Variants in GLT1D1 observed in about 807,000 individuals in gnomAD.
GLT1D1 encodes glycosyltransferase 1 domain containing 1.
In GLT1D1, 21 loss-of-function variants were observed where a neutral mutation model predicts 28.7. The observed-to-expected ratio is 0.73, with a 90% CI of 0.52 to 1.05. The LOEUF (loss-of-function observed/expected upper bound fraction) is 1.05. Ranked by LOEUF, GLT1D1 falls within the 50% of genes least tolerant of loss-of-function variation. The pLI, the probability that GLT1D1 is intolerant of heterozygous loss-of-function variation, is 0.00. For synonymous variants in GLT1D1, 147 were observed against 124.8 expected (o/e 1.18, Z -1.19); for missense variants, 343 against 330.6 (o/e 1.04, Z -0.29).
chr12:128,884,832 T>A (rs1007367036), intron 2 of GLT1D1, among the ~76,000 whole-genome samples: 2 of 151,572 alleles, frequency 1.3e-5, no homozygotes, highest in Non-Finnish European at 2.9e-5. Flanking sequence ...GAAAAAAAAA[T>A]TGCTAAGACA....
At chr12:128,948,028 A>T (rs1307415585) in intron 6 of GLT1D1, among the ~76,000 whole-genome samples, 1 of 152,046 alleles carries the variant, frequency 6.6e-6, no homozygotes, top group Non-Finnish European at 1.5e-5. Flanking sequence ...CTATCCCAGC[A>T]CCACTCTGCA....
chr12:128,913,142 C>T (rs990944805), intron 4 of GLT1D1, among the ~76,000 whole-genome samples: 2 of 152,176 alleles, frequency 1.3e-5, no homozygotes, highest in Non-Finnish European at 2.9e-5. Context: ...CCTTCATACT[C>T]CTCCTTCCTC....
At chr12:128,943,026 C>T (rs1875532922) in intron 4 of GLT1D1, among the ~76,000 whole-genome samples, 2 of 152,260 alleles carry the variant, frequency 1.3e-5, no homozygotes, top group East Asian at 3.9e-4. Flanking sequence ...GGATTATAGG[C>T]GTGAGCCACC....
chr12:128,962,130 C>A (rs1393318752), intron 7 of GLT1D1, among the ~76,000 whole-genome samples: 1 of 152,058 alleles, frequency 6.6e-6, no homozygotes, highest in African/African-American at 2.4e-5. Flanking sequence ...GTGTGTGTGC[C>A]CCTGTCCCCC....
At chr12:128,927,431 G>T (rs1873341532) in intron 4 of GLT1D1, among the ~76,000 whole-genome samples, 1 of 151,802 alleles carries the variant, frequency 6.6e-6, no homozygotes, top group African/African-American at 2.4e-5. Context: ...GTAGAGACAG[G>T]GTTTCACCGT....
chr12:128,886,038 A>AT (rs749777696), intron 2 of GLT1D1, among the ~76,000 whole-genome samples: 5 of 152,114 alleles, frequency 3.3e-5, no homozygotes, highest in African/African-American at 7.2e-5. Flanking sequence ...ATGACAGTGA[A>AT]TAAGTCTCTC....
At chr12:128,912,571 G>A (rs1871651944) in intron 4 of GLT1D1, 111 bp downstream of exon 5, 4 of 406,646 alleles carry the variant, frequency 9.8e-6, no homozygotes, top group Non-Finnish European at 1.6e-5. Flanking sequence ...AAAAGAATAA[G>A]TTTGCATCCT....
At chr12:128,913,664 C>T (rs1291507831) in intron 4 of GLT1D1, among the ~76,000 whole-genome samples, 1 of 152,242 alleles carries the variant, frequency 6.6e-6, no homozygotes, top group Non-Finnish European at 1.5e-5. Flanking sequence ...CTCCTGAGGA[C>T]TTCCATGGTG....
chr12:128,896,648 T>G (rs1220195857), intron 3 of GLT1D1, among the ~76,000 whole-genome samples: 1 of 150,506 alleles, frequency 6.6e-6, no homozygotes, highest in East Asian at 1.9e-4. Flanking sequence ...GGCATGATCT[T>G]GGCTCACTGC....
chr12:128,982,820 G>A (rs1440539295), intron 7 of GLT1D1, 109 bp from the exon 12 acceptor site: 1 of 909,480 alleles, frequency 1.1e-6, no homozygotes, highest in Non-Finnish European at 1.7e-6. Context: ...AGGCCCAGGA[G>A]GCAGACAAGG....
chr12:128,931,903 GCA>G (rs1873933981), intron 4 of GLT1D1, among the ~76,000 whole-genome samples: 1 of 137,758 alleles, frequency 7.3e-6, no homozygotes, highest in African/African-American at 2.9e-5. Flanking sequence ...GAGGATATGT[GCA>G]CACACACGCA....
intron 7 of GLT1D1, among the ~76,000 whole-genome samples, chr12:128,970,873 C>G (rs376583256): frequency 6.6e-6 from 1 of 152,222 alleles, no homozygotes; most frequent in South Asian, 2.1e-4. Context: ...GGGCAGCAGT[C>G]AGGCATGTTT....
Position 128,853,657 on chromosome 12 carries a change from C to A in GLT1D1, c.68+8C>A. ...CACGGCCCAGCGCGTTCGGTAGGTGCAGGGCGCCGGGGCCTACGAAGCCTG... is the reference window on the plus strand; with the variant it reads ...CACGGCCCAGCGCGTTCGGTAGGTGAAGGGCGCCGGGGCCTACGAAGCCTG... On this transcript the variant is annotated splice_region_variant and intron_variant, in intron 1 of 7. Coordinates refer to ENST00000281703, the MANE Select transcript of GLT1D1 (RefSeq NM_144669.3). 1 of 1,123,160 alleles carries A rather than the reference C, an allele frequency of 8.9e-7. No individual in the cohort carries two copies. The highest frequency in any genetic ancestry group is 1.1e-6 in the Non-Finnish European group (1 of 915,160). 69.6% of individuals were successfully genotyped at this position (1,123,160 alleles called of 1,614,324 possible).
chr12:128,924,930 G>A (rs2135913143), intron 4 of GLT1D1, among the ~76,000 whole-genome samples: 1 of 152,274 alleles, frequency 6.6e-6, no homozygotes, highest in Admixed American at 6.5e-5. Context: ...CACTTCAGAT[G>A]GGAAGGGCTG....
chr12:128,972,798 A>G (rs1879313054), intron 7 of GLT1D1, among the ~76,000 whole-genome samples: 1 of 152,240 alleles, frequency 6.6e-6, no homozygotes, highest in Non-Finnish European at 1.5e-5. Flanking sequence ...TCTGCTTGAC[A>G]AATTTAAAGA....
At chr12:128,939,642 A>G (rs1053272498) in intron 4 of GLT1D1, among the ~76,000 whole-genome samples, 3 of 152,182 alleles carry the variant, frequency 2.0e-5, no homozygotes, top group Admixed American at 6.5e-5. Context: ...CTCAGGCTGT[A>G]TAAGAAGCAC....
chr12:128,880,837 G>A (rs1198535839), intron 2 of GLT1D1, among the ~76,000 whole-genome samples: 1 of 152,134 alleles, frequency 6.6e-6, no homozygotes, highest in Admixed American at 6.6e-5. Context: ...CACTGTTTGT[G>A]TGTGTGTTTT....
intron 4 of GLT1D1, 29 bp from the exon 7 acceptor site, chr12:128,926,330 T>G: frequency 2.4e-6 from 3 of 1,250,752 alleles, no homozygotes; most frequent in Non-Finnish European, 3.4e-6. Context: ...CCCTCCCCAC[T>G]GAAAACATTC....
Position 128,863,870 on chromosome 12 carries a change from C to T in GLT1D1, c.68+10221C>T, listed in dbSNP as rs113090511. Among the ~76,000 whole-genome samples, 819 of 143,348 alleles carry T rather than the reference C, an allele frequency of 5.7e-3. 7 individuals are homozygous for T. Among genetic ancestry groups the T allele is most frequent in the African/African-American group, 0.02 (767 of 38,152 alleles). The allele number at this position is 143,348 out of a possible 152,430, so 94.0% of individuals were successfully genotyped here. ...CTGAGGTAGGAGAATGGCGTGAACC[C>T]GGGAGGTGGAACTTGCAGTGAGCCA... On this transcript the variant is annotated intron_variant, in intron 1 of 7. Transcript: ENST00000281703.
Sources: allele counts gnomAD v4.1 joint callset (sites outside exome capture counted in the v4.1 genomes callset), GRCh38; gene constraint gnomAD v4.1.1; transcripts MANE v1.5; gene names NCBI Gene and HGNC (gene_info 2026-07-23, HGNC 2026-07-21).